The following SIM1 variants were observed in gnomAD, a reference collection of about 807,000 sequenced individuals.
SIM1 encodes the protein single-minded homolog 1.
Under a neutral mutation model 78.2 loss-of-function variants are expected in SIM1, and 18 were observed. That is an observed-to-expected ratio of 0.23 (90% CI 0.16 to 0.34). The LOEUF (loss-of-function observed/expected upper bound fraction) is 0.34. Ranked by LOEUF, SIM1 falls within the 10% of genes least tolerant of loss-of-function variation. The pLI is 1.00. For synonymous variants in SIM1, 417 were observed against 385.2 expected (o/e 1.08, Z -0.97); for missense variants, 939 against 975.1 (o/e 0.96, Z 0.49).
intron 9 of SIM1, among the ~76,000 whole-genome samples, chr6:100,424,180 T>A (rs1472799): frequency 0.37 from 56,112 of 150,716 alleles, 10,836 homozygotes; most frequent in East Asian, 0.75. Context: ...AATAACATTT[T>A]AAACCAAGAC....
At chr6:100,400,535 A>T (rs1465295233) in intron 10 of SIM1, among the ~76,000 whole-genome samples, 1 of 152,160 alleles carries the variant, frequency 6.6e-6, no homozygotes, top group East Asian at 1.9e-4. Context: ...TAAATACAGA[A>T]TTCTGGAGGT....
chr6:100,425,062 T>C (rs915452957), intron 9 of SIM1, among the ~76,000 whole-genome samples: 3 of 152,148 alleles, frequency 2.0e-5, no homozygotes, highest in Non-Finnish European at 4.4e-5. Context: ...AATTGAATCA[T>C]GGGGGCCAGT....
intron 9 of SIM1, among the ~76,000 whole-genome samples, chr6:100,428,698 C>A (rs926314602): frequency 6.7e-6 from 1 of 149,130 alleles, no homozygotes; most frequent in Non-Finnish European, 1.5e-5. Flanking sequence ...TCTAAGACCC[C>A]TAGTGGGTGC....
chr6:100,427,677 G>A (rs558470584), intron 9 of SIM1, among the ~76,000 whole-genome samples: 1 of 152,306 alleles, frequency 6.6e-6, no homozygotes, highest in East Asian at 1.9e-4. Flanking sequence ...GAAACAAGTG[G>A]AAATATAGCT....
intron 9 of SIM1, among the ~76,000 whole-genome samples, chr6:100,442,574 G>C (rs1772244349): frequency 6.6e-6 from 1 of 152,050 alleles, no homozygotes; most frequent in South Asian, 2.1e-4. Flanking sequence ...CTATACAAAT[G>C]CTCCAGAGAG....
chr6:100,402,590 T>C, intron 10 of SIM1, among the ~76,000 whole-genome samples: 1 of 124,328 alleles, frequency 8.0e-6, no homozygotes, highest in Non-Finnish European at 1.7e-5. Context: ...TTTTTTTTTT[T>C]TTTTTGAGAC....
At chr6:100,412,740 A>G (rs1771281508) in intron 10 of SIM1, among the ~76,000 whole-genome samples, 1 of 142,430 alleles carries the variant, frequency 7.0e-6, no homozygotes, top group East Asian at 2.2e-4. Flanking sequence ...AGAAAGAAAG[A>G]AAGAAAGAAA....
In SIM1 at chr6:100,390,236, T is replaced by A; in HGVS notation, c.*125A>T. ...TTCTTTGATTTTATAGGAACACGTA[T>A]CAAATACCCAGTAACTTAAGTTATA... On this transcript the variant is annotated 3_prime_UTR_variant, in exon 12 of 12. Coordinates refer to ENST00000369208, the MANE Select transcript of SIM1 (RefSeq NM_005068.3). 1 of 1,055,632 alleles carries A rather than the reference T, an allele frequency of 9.5e-7. No individual in the cohort carries two copies. The highest frequency in any genetic ancestry group is 1.6e-5 in the South Asian group (1 of 62,672). The allele number at this position is 1,055,632 out of a possible 1,614,324, so 65.4% of individuals were successfully genotyped here.
At chr6:100,435,975 A>C (rs3778032) in intron 9 of SIM1, among the ~76,000 whole-genome samples, 40,106 of 151,502 alleles carry the variant, frequency 0.26, 5,593 homozygotes, top group East Asian at 0.4. Context: ...GCCAGTCATG[A>C]ACTCCCTTAC....
Position 100,389,771 on chromosome 6 carries a change from C to A in SIM1, c.*590G>T, listed in dbSNP as rs1174979391. 1 of 399,066 alleles carries A rather than the reference C, an allele frequency of 2.5e-6. No individual in the cohort carries two copies. The highest frequency in any genetic ancestry group is 1.3e-4 in the South Asian group (1 of 7,840). 24.7% of individuals were successfully genotyped at this position (399,066 alleles called of 1,614,324 possible). A position where few individuals can be genotyped will look rare whatever the true frequency, so the allele number is the denominator to read the frequency against. On this transcript the variant is annotated 3_prime_UTR_variant, in exon 12 of 12. Coordinates refer to ENST00000369208, the MANE Select transcript of SIM1 (RefSeq NM_005068.3). The stretch of plus-strand genomic sequence containing the variant: ...GTGAAAACTCATTTTTGCACCATAT[C>A]CAGAACCATTTCTCTAATTTATGCC...
chr6:100,454,454 T>C (rs966997310), intron 2 of SIM1, among the ~76,000 whole-genome samples: 1 of 152,120 alleles, frequency 6.6e-6, no homozygotes, highest in African/African-American at 2.4e-5. Context: ...GTTCAACCCA[T>C]CTTCCTATTC....
At chr6:100,418,765 C>T (rs543229631) in intron 10 of SIM1, among the ~76,000 whole-genome samples, 5 of 152,130 alleles carry the variant, frequency 3.3e-5, no homozygotes, top group Non-Finnish European at 7.3e-5. Flanking sequence ...GAGAGAACTA[C>T]CCATAGCCAT....
intron 11 of SIM1, among the ~76,000 whole-genome samples, chr6:100,392,572 AAATAGAAAGCAAG>A (rs1487317651): frequency 6.6e-6 from 1 of 152,248 alleles, no homozygotes; most frequent in Non-Finnish European, 1.5e-5. Context: ...AAAATCAGAA[AAATAGAAAGCAAG>A]AATAGAAACA....
In SIM1 at chr6:100,393,528, T is replaced by G. The variant is rs1159042926; in HGVS notation, c.1529A>C (p.Glu510Ala). Reference sequence around the variant, plus strand: ...TGAAGCGATGTGAGGCATGCTGTTTTCATAGGCTTCTCTGCTTTCTGGGGA... The same window carrying G: ...TGAAGCGATGTGAGGCATGCTGTTTGCATAGGCTTCTCTGCTTTCTGGGGA... The part of the protein sequence containing the change: ...KASPESREAY[E>A]NSMPHIASVH... Residue 510 changes from glutamate to alanine, a missense_variant, in exon 11 of 12, where the codon GAA becomes GCA. Around this residue, in one of 5 missense-constraint regions of SIM1, gnomAD observed 556 missense variants for 521.9 expected, o/e 1.07. Transcript: ENST00000369208. The G allele has an allele frequency of 6.3e-7, 1 of 1,584,640 alleles. No individual in the cohort carries two copies. Among genetic ancestry groups the G allele is most frequent in the Admixed American group, 1.8e-5 (1 of 56,382 alleles).
intron 9 of SIM1, among the ~76,000 whole-genome samples, chr6:100,441,789 C>T (rs775654057): frequency 3.3e-5 from 5 of 152,164 alleles, no homozygotes; most frequent in Non-Finnish European, 2.9e-5. Flanking sequence ...TCAATATCTG[C>T]GCACCCTTGT....
chr6:100,397,362 A>G (rs1360213768), intron 10 of SIM1, among the ~76,000 whole-genome samples: 2 of 152,158 alleles, frequency 1.3e-5, no homozygotes, highest in Non-Finnish European at 2.9e-5. Flanking sequence ...CATTACTTGG[A>G]GGCGGAAAAT....
At chr6:100,440,130 C>G (rs1016238802) in intron 9 of SIM1, among the ~76,000 whole-genome samples, 2 of 152,174 alleles carry the variant, frequency 1.3e-5, no homozygotes, top group African/African-American at 2.4e-5. Flanking sequence ...CTAAGAAATA[C>G]TAGGCACCTG....
intron 10 of SIM1, among the ~76,000 whole-genome samples, chr6:100,419,565 C>T (rs1406867387): frequency 6.6e-6 from 1 of 152,148 alleles, no homozygotes; most frequent in African/African-American, 2.4e-5. Context: ...TTTTTACTTA[C>T]AAAATATATT....
chr6:100,421,592 C>T (rs1248663845), intron 9 of SIM1, among the ~76,000 whole-genome samples: 1 of 152,090 alleles, frequency 6.6e-6, no homozygotes, highest in Non-Finnish European at 1.5e-5. Context: ...AAACCCTGCC[C>T]TTGTGTGGAT....
Sources: allele counts gnomAD v4.1 joint callset (sites outside exome capture counted in the v4.1 genomes callset), GRCh38; gene constraint gnomAD v4.1.1; regional missense constraint gnomAD v4.1.1; transcripts MANE v1.5; gene names NCBI Gene and HGNC (gene_info 2026-07-23, HGNC 2026-07-21).